Variants in GRIK2 observed in about 807,000 individuals in gnomAD.
GRIK2 encodes the protein glutamate receptor ionotropic, kainate 2.
Under a neutral mutation model 100.3 loss-of-function variants are expected in GRIK2, and 32 were observed. That is an observed-to-expected ratio of 0.32 (90% CI 0.24 to 0.43). GRIK2 has a LOEUF of 0.43. GRIK2 is among the 20% of genes least tolerant of loss of function. GRIK2 has a pLI of 1.00. For synonymous variants in GRIK2, 417 were observed against 389.4 expected (o/e 1.07, Z -0.83); for missense variants, 843 against 1,114.9 (o/e 0.76, Z 3.47).
chr6:101,973,442 A>C (rs1280197722), intron 14 of GRIK2, among the ~76,000 whole-genome samples: 1 of 151,930 alleles, frequency 6.6e-6, no homozygotes, highest in Non-Finnish European at 1.5e-5. Context: ...GATCTTCTAC[A>C]ATGAAAGACA....
At chr6:101,826,618 T>C (rs1782348656) in intron 10 of GRIK2, among the ~76,000 whole-genome samples, 1 of 152,062 alleles carries the variant, frequency 6.6e-6, no homozygotes, top group Non-Finnish European at 1.5e-5. Context: ...AACCTTTTAC[T>C]GGAACCACAA....
intron 14 of GRIK2, among the ~76,000 whole-genome samples, chr6:101,980,019 G>A (rs1793619816): frequency 6.6e-6 from 1 of 151,970 alleles, no homozygotes; most frequent in South Asian, 2.1e-4. Flanking sequence ...TGCTTCAGTT[G>A]TCAGAGGGGC....
intron 14 of GRIK2, among the ~76,000 whole-genome samples, chr6:101,979,994 C>T (rs936740331): frequency 1.3e-5 from 2 of 151,904 alleles, no homozygotes; most frequent in Non-Finnish European, 2.9e-5. Context: ...AAGTATGTAA[C>T]TGGAGGCTTA....
At chr6:101,680,480 T>A (rs1771161162) in intron 5 of GRIK2, among the ~76,000 whole-genome samples, 1 of 152,208 alleles carries the variant, frequency 6.6e-6, no homozygotes, top group Non-Finnish European at 1.5e-5. Flanking sequence ...ATTCATTCTT[T>A]TCATGTCCTA....
chr6:101,781,806 C>T (rs998620725), intron 7 of GRIK2, among the ~76,000 whole-genome samples: 1 of 151,430 alleles, frequency 6.6e-6, no homozygotes, highest in African/African-American at 2.4e-5. Context: ...TTTAACCCAC[C>T]TATTATTGAA....
chr6:101,789,080 G>C (rs978124224), intron 7 of GRIK2, among the ~76,000 whole-genome samples: 22 of 151,960 alleles, frequency 1.4e-4, no homozygotes, highest in Middle Eastern at 6.8e-3. Flanking sequence ...CAATTTGTTT[G>C]AGTTCATTGT....
chr6:101,933,432 C>T (rs1316511157), intron 14 of GRIK2, among the ~76,000 whole-genome samples: 1 of 151,922 alleles, frequency 6.6e-6, no homozygotes, highest in African/African-American at 2.4e-5. Flanking sequence ...ATACTTTGAA[C>T]ATTTTGTCAT....
At chr6:101,865,152 T>G (rs1269638535) in intron 11 of GRIK2, among the ~76,000 whole-genome samples, 1 of 152,216 alleles carries the variant, frequency 6.6e-6, no homozygotes, top group Non-Finnish European at 1.5e-5. Flanking sequence ...GAGAAAGAAA[T>G]TCTGTTTCAG....
At chr6:101,483,212 T>C (rs1323773652) in intron 2 of GRIK2, among the ~76,000 whole-genome samples, 1 of 152,180 alleles carries the variant, frequency 6.6e-6, no homozygotes, top group Non-Finnish European at 1.5e-5. Context: ...TATAGTGGGG[T>C]ATTCAATAAC....
chr6:101,871,894 C>A (rs534489211), intron 11 of GRIK2, among the ~76,000 whole-genome samples: 15 of 151,906 alleles, frequency 9.9e-5, no homozygotes, highest in African/African-American at 3.4e-4. Context: ...GGTGTAAATC[C>A]AAAGGATTTG....
At chr6:101,940,103 A>G (rs550960672) in intron 14 of GRIK2, among the ~76,000 whole-genome samples, 1 of 152,316 alleles carries the variant, frequency 6.6e-6, no homozygotes, top group South Asian at 2.1e-4. Context: ...GATAAACAGC[A>G]AAAGTTCTTC....
intron 16 of GRIK2, among the ~76,000 whole-genome samples, chr6:102,064,203 T>A (rs548055435): frequency 1.3e-5 from 2 of 150,900 alleles, no homozygotes; most frequent in Admixed American, 6.6e-5. Flanking sequence ...AAAAGCAAGA[T>A]AGTTGTCTTT....
chr6:101,620,770 G>A (rs546290838), intron 2 of GRIK2, among the ~76,000 whole-genome samples: 8 of 152,218 alleles, frequency 5.3e-5, no homozygotes, highest in Non-Finnish European at 4.4e-5. Flanking sequence ...GAGGTTGGAG[G>A]GGATTAGGAA....
intron 14 of GRIK2, among the ~76,000 whole-genome samples, chr6:102,021,537 G>T (rs182813280): frequency 1.8e-4 from 27 of 151,544 alleles, no homozygotes; most frequent in Admixed American, 1.8e-3. Flanking sequence ...GTAGTAGTTT[G>T]CTAATTAATA....
chr6:101,521,183 T>C (rs1774864520), intron 2 of GRIK2, among the ~76,000 whole-genome samples: 1 of 152,056 alleles, frequency 6.6e-6, no homozygotes, highest in Non-Finnish European at 1.5e-5. Context: ...AAGATAAATG[T>C]CAATCTTAAT....
intron 10 of GRIK2, among the ~76,000 whole-genome samples, chr6:101,820,937 A>G (rs1002830941): frequency 6.6e-6 from 1 of 152,192 alleles, no homozygotes; most frequent in East Asian, 1.9e-4. Flanking sequence ...TTAAAAAACT[A>G]TGTATGTTTG....
intron 2 of GRIK2, among the ~76,000 whole-genome samples, chr6:101,448,244 T>C (rs1271104432): frequency 1.3e-5 from 2 of 151,736 alleles, no homozygotes; most frequent in African/African-American, 4.8e-5. Flanking sequence ...ATACATATGT[T>C]AGGATATTTG....
intron 2 of GRIK2, among the ~76,000 whole-genome samples, chr6:101,554,639 G>C (rs917116006): frequency 1.3e-5 from 2 of 152,048 alleles, no homozygotes; most frequent in Non-Finnish European, 2.9e-5. Context: ...ATACAGCTTT[G>C]AAATTCTCTG....
At chr6:101,492,080 A>G (rs959885211) in intron 2 of GRIK2, among the ~76,000 whole-genome samples, 4 of 152,004 alleles carry the variant, frequency 2.6e-5, no homozygotes, top group Admixed American at 1.3e-4. Flanking sequence ...GGTAATTACT[A>G]GATTTCCTTG....
Sources: gnomAD v4.1 joint callset for allele counts (sites outside exome capture counted in the v4.1 genomes callset) on GRCh38, gnomAD v4.1.1 for gene constraint, MANE v1.5 for transcripts, NCBI Gene and HGNC (gene_info 2026-07-23, HGNC 2026-07-21) for gene names.